Variants in TBC1D21 observed in about 807,000 individuals in gnomAD.
The protein encoded by TBC1D21 is male germ cell Rab GTPase-activating protein.
In TBC1D21, 38 loss-of-function variants were observed where a neutral mutation model predicts 46.0. The observed-to-expected ratio is 0.83, with a 90% CI of 0.64 to 1.08. The LOEUF is 1.08. Ranked by LOEUF, TBC1D21 falls within the 50% of genes least tolerant of loss-of-function variation. TBC1D21 has a pLI of 0.00. For synonymous variants in TBC1D21, 151 were observed against 157.2 expected, an observed-to-expected ratio of 0.96 and a Z score of 0.29; for missense variants, 415 against 417.9, an observed-to-expected ratio of 0.99 and a Z score of 0.06.
the TBC1D21 span, among the ~76,000 whole-genome samples, chr15:73,898,880 A>AATATATATATATATATATATATAT: frequency 1.8e-5 from 1 of 56,802 alleles, no homozygotes; most frequent in African/African-American, 5.3e-5. Flanking sequence ...AAAAAAAAAA[A>AATATATATATATATATATATATAT]ATATATATAT....
the TBC1D21 span, among the ~76,000 whole-genome samples, chr15:73,909,480 C>A: frequency 6.6e-6 from 1 of 152,148 alleles, no homozygotes; most frequent in African/African-American, 2.4e-5. Context: ...ACGGGCTTCA[C>A]GAGAGATGAA....
intron 1 of TBC1D21, among the ~76,000 whole-genome samples, chr15:73,877,647 C>T (rs1238088872): frequency 6.7e-6 from 1 of 149,956 alleles, no homozygotes; most frequent in East Asian, 2.0e-4. Flanking sequence ...TTCTTGTGAA[C>T]ATGGATGCAA....
At chr15:73,881,358 G>A (rs751420915) in intron 1 of TBC1D21, 41 bp from the exon 2 acceptor site, 3 of 1,484,692 alleles carry the variant, frequency 2.0e-6, no homozygotes, top group African/African-American at 1.4e-5. Context: ...AAAAGCCGAA[G>A]CCTTCTAACA....
chr15:73,899,364 A>T, the TBC1D21 span, among the ~76,000 whole-genome samples: 4 of 152,138 alleles, frequency 2.6e-5, no homozygotes, highest in Non-Finnish European at 5.9e-5. Context: ...GGACAGAAGA[A>T]GGTTCAGGAG....
the TBC1D21 span, among the ~76,000 whole-genome samples, chr15:73,909,114 GT>G: frequency 6.6e-6 from 1 of 152,224 alleles, no homozygotes; most frequent in Admixed American, 6.5e-5. Flanking sequence ...GCTCACACCT[GT>G]AATCCCAGCA....
In TBC1D21 at chr15:73,888,495, T is replaced by C; in HGVS notation, c.960T>C (p.Ala320=). The C allele has an allele frequency of 6.2e-7, 1 of 1,614,134 alleles. No individual in the cohort carries two copies. The highest frequency in any genetic ancestry group is 8.5e-7 in the Non-Finnish European group (1 of 1,180,022). The change falls in exon 10 of 11, where the codon GCT becomes GCC. Residue 320 remains alanine, a synonymous_variant. Coordinates refer to ENST00000300504, the MANE Select transcript of TBC1D21 (RefSeq NM_153356.3). The stretch of plus-strand genomic sequence containing the variant: ...TCTCTGCCGCCTGCGTGGTTTATGC[T>C]GAGCTCATCCAGAAGGATGTAAGTT... ...ELISAACVVY[A]ELIQKDVPQT...
the TBC1D21 span, among the ~76,000 whole-genome samples, chr15:73,905,039 C>A: frequency 6.6e-6 from 1 of 152,178 alleles, no homozygotes; most frequent in African/African-American, 2.4e-5. Flanking sequence ...ACCGTAGCAG[C>A]AGAGGGGGCC....
chr15:73,896,500 G>A, the TBC1D21 span, among the ~76,000 whole-genome samples: 2 of 151,994 alleles, frequency 1.3e-5, no homozygotes, highest in African/African-American at 2.4e-5. Flanking sequence ...AGCAGTGGCG[G>A]AGAAGATGAA....
the TBC1D21 span, chr15:73,907,967 C>T: frequency 6.6e-6 from 1 of 152,200 alleles, no homozygotes; most frequent in Non-Finnish European, 1.5e-5. Flanking sequence ...CTGTCCATTC[C>T]TCTCCCTATG....
chr15:73,881,588 C>T, intron 2 of TBC1D21, 56 bp from the exon 3 acceptor site: 1 of 1,601,186 alleles, frequency 6.2e-7, no homozygotes, highest in Non-Finnish European at 8.6e-7. Context: ...TTGGATGAAG[C>T]CCTTTTGGTA....
the TBC1D21 span, among the ~76,000 whole-genome samples, chr15:73,898,899 A>ATG: frequency 7.4e-6 from 1 of 135,816 alleles, no homozygotes; most frequent in Non-Finnish European, 1.6e-5. Context: ...ATATATATAT[A>ATG]TATACACACA....
the TBC1D21 span, among the ~76,000 whole-genome samples, chr15:73,904,633 T>C: frequency 6.6e-6 from 1 of 152,082 alleles, no homozygotes; most frequent in African/African-American, 2.4e-5. Context: ...GGAAGGGGTG[T>C]TGACTGGCAG....
At chr15:73,894,621 G>A in the TBC1D21 span, among the ~76,000 whole-genome samples, 1 of 152,184 alleles carries the variant, frequency 6.6e-6, no homozygotes, top group Non-Finnish European at 1.5e-5. Flanking sequence ...CCGCATGGAA[G>A]CAGCAGCAGC....
the TBC1D21 span, among the ~76,000 whole-genome samples, chr15:73,895,588 C>T: frequency 3.9e-5 from 6 of 152,132 alleles, no homozygotes; most frequent in Admixed American, 6.6e-5. Context: ...AAATTGTACC[C>T]GAACACCGGT....
At chr15:73,874,926 A>C (rs1290000070) in intron 1 of TBC1D21, among the ~76,000 whole-genome samples, 3 of 152,192 alleles carry the variant, frequency 2.0e-5, no homozygotes, top group African/African-American at 7.2e-5. Context: ...TTGGGAGTCT[A>C]TCTTGTCCTC....
chr15:73,893,740 C>T (rs2068354677), downstream of TBC1D21, among the ~76,000 whole-genome samples: 1 of 152,106 alleles, frequency 6.6e-6, no homozygotes, highest in South Asian at 2.1e-4. Flanking sequence ...CGAGTCCTGG[C>T]CTGAAGCCAC....
At chr15:73,900,639 C>T in the TBC1D21 span, among the ~76,000 whole-genome samples, 1 of 152,190 alleles carries the variant, frequency 6.6e-6, no homozygotes, top group African/African-American at 2.4e-5. Context: ...ATACATCTCT[C>T]TCCTGGAGCC....
chr15:73,896,098 A>T, the TBC1D21 span, among the ~76,000 whole-genome samples: 4 of 131,394 alleles, frequency 3.0e-5, no homozygotes, highest in African/African-American at 5.3e-5. Flanking sequence ...AACAGAGATA[A>T]TGGCGACAAC....
At chr15:73,898,902 T>TATATATATATATATATATATATAC in the TBC1D21 span, among the ~76,000 whole-genome samples, 34 of 112,800 alleles carry the variant, frequency 3.0e-4, no homozygotes, top group African/African-American at 5.8e-4. Context: ...TATATATATA[T>TATATATATATATATATATATATAC]ACACACACAC....
Sources: allele counts gnomAD v4.1 joint callset (sites outside exome capture counted in the v4.1 genomes callset), GRCh38; gene constraint gnomAD v4.1.1; transcripts MANE v1.5; gene names NCBI Gene and HGNC (gene_info 2026-07-23, HGNC 2026-07-21).